The following TAMM41 variants were observed in gnomAD, a reference collection of about 807,000 sequenced individuals.
TAMM41 encodes the protein phosphatidate cytidylyltransferase, mitochondrial.
TAMM41 carries 36 observed loss-of-function variants against 44.1 expected under a neutral mutation model. The ratio of observed to expected loss-of-function variants is 0.82; its 90% CI spans 0.63 to 1.08. The LOEUF is 1.08. Ranked by LOEUF, TAMM41 falls within the 50% of genes least tolerant of loss-of-function variation. TAMM41 has a pLI of 0.00. For synonymous variants in TAMM41, 164 were observed against 153.1 expected, an observed-to-expected ratio of 1.07 and a Z score of -0.53; for missense variants, 417 against 404.3, an observed-to-expected ratio of 1.03 and a Z score of -0.27.
chr3:11,802,564 C>T (rs1203073533), intron 7 of TAMM41, among the ~76,000 whole-genome samples: 1 of 152,138 alleles, frequency 6.6e-6, no homozygotes, highest in Non-Finnish European at 1.5e-5. Flanking sequence ...ATAAAAATCT[C>T]CCAAGAACAA....
At chr3:11,789,480 T>C (rs576816337), downstream of TAMM41, among the ~76,000 whole-genome samples, 2 of 152,252 alleles carry the variant, frequency 1.3e-5, no homozygotes, top group African/African-American at 4.8e-5. Flanking sequence ...GAGGAGGTGG[T>C]TGCTTCCCAA....
At chr3:11,818,495 A>G (rs2078375022) in intron 4 of TAMM41, among the ~76,000 whole-genome samples, 1 of 152,216 alleles carries the variant, frequency 6.6e-6, no homozygotes, top group Non-Finnish European at 1.5e-5. Context: ...AAGACCAACA[A>G]TATGTACTTC....
At chr3:11,764,086 C>T in the TAMM41 span, among the ~76,000 whole-genome samples, 3 of 152,132 alleles carry the variant, frequency 2.0e-5, no homozygotes, top group Admixed American at 6.6e-5. Flanking sequence ...TCACTGAAGG[C>T]TCTACCTCCC....
rs1034813185 is a variant in TAMM41 at position 11,816,570 on chromosome 3, C to A, written c.708+622G>T. Among the ~76,000 whole-genome samples, 4 of 152,214 alleles carry A rather than the reference C, an allele frequency of 2.6e-5. No homozygotes were observed. The South Asian group carries it at 8.3e-4, about 32-fold the overall frequency. On this transcript the variant is annotated intron_variant, in intron 5 of 7. Transcript: ENST00000455809. ...CTTGAGCTCAAGAGTTTGAGACCAGCCTGTGCAACATGGCAAAACCCTGTC... is the reference window on the plus strand; with the variant it reads ...CTTGAGCTCAAGAGTTTGAGACCAGACTGTGCAACATGGCAAAACCCTGTC...
chr3:11,827,401 G>A (rs1165781488), intron 4 of TAMM41, among the ~76,000 whole-genome samples: 3 of 150,282 alleles, frequency 2.0e-5, no homozygotes, highest in East Asian at 2.0e-4. Flanking sequence ...CCTCCACCTC[G>A]CCGGTTCAAG....
At chr3:11,825,166 C>T (rs538254133) in intron 4 of TAMM41, among the ~76,000 whole-genome samples, 18 of 152,338 alleles carry the variant, frequency 1.2e-4, no homozygotes, top group Non-Finnish European at 2.2e-4. Context: ...AGCCACTTAA[C>T]TTATCTGGGC....
intron 7 of TAMM41, among the ~76,000 whole-genome samples, chr3:11,795,733 A>G (rs970255973): frequency 1.3e-5 from 2 of 152,154 alleles, no homozygotes; most frequent in Admixed American, 6.5e-5. Flanking sequence ...CCCACACCAG[A>G]GTACTCAGAC....
At chr3:11,809,946 A>G (rs2078037345) in intron 5 of TAMM41, 1 of 332,288 alleles carries the variant, frequency 3.0e-6, no homozygotes, top group Non-Finnish European at 5.3e-6. Flanking sequence ...TCAAGGATCA[A>G]TTTCTGACTT....
At chr3:11,756,861 G>A in the TAMM41 span, among the ~76,000 whole-genome samples, 3 of 94,432 alleles carry the variant, frequency 3.2e-5, no homozygotes, top group Admixed American at 1.1e-4. Flanking sequence ...GCGAAATTCC[G>A]TCTCAAAAAA....
the TAMM41 span, among the ~76,000 whole-genome samples, chr3:11,772,219 T>C: frequency 8.0e-4 from 121 of 150,418 alleles, no homozygotes; most frequent in East Asian, 1.6e-3. Context: ...TACAGGCGCC[T>C]GCCACCACAG....
chr3:11,743,474 T>C, the TAMM41 span, among the ~76,000 whole-genome samples: 2 of 151,932 alleles, frequency 1.3e-5, no homozygotes, highest in African/African-American at 4.8e-5. Context: ...GCTGGGATTA[T>C]AGGCACCCAC....
At chr3:11,793,950 AT>A (rs2077546060) in intron 7 of TAMM41, among the ~76,000 whole-genome samples, 1 of 152,156 alleles carries the variant, frequency 6.6e-6, no homozygotes, top group South Asian at 2.1e-4. Flanking sequence ...ATATGGAGAT[AT>A]TTCCTACTAC....
chr3:11,749,064 C>T, the TAMM41 span, among the ~76,000 whole-genome samples: 28 of 151,938 alleles, frequency 1.8e-4, no homozygotes, highest in African/African-American at 6.3e-4. Flanking sequence ...AGGCATGCAC[C>T]ACCACACCTG....
At chr3:11,746,160 G>C in the TAMM41 span, among the ~76,000 whole-genome samples, 1 of 152,144 alleles carries the variant, frequency 6.6e-6, no homozygotes, top group African/African-American at 2.4e-5. Context: ...AATTAGTCAG[G>C]AGTGGTGGTG....
downstream of TAMM41, chr3:11,790,379 C>A (rs1197342478): frequency 3.3e-6 from 3 of 897,906 alleles, no homozygotes; most frequent in South Asian, 1.4e-5. Context: ...ATTTAAAAAA[C>A]CAAGTATTAT....
chr3:11,824,742 CA>C (rs2078671928), intron 4 of TAMM41, among the ~76,000 whole-genome samples: 2 of 152,134 alleles, frequency 1.3e-5, no homozygotes, highest in African/African-American at 4.8e-5. Flanking sequence ...TGGAAGCATC[CA>C]AACAGAAGGA....
the TAMM41 span, among the ~76,000 whole-genome samples, chr3:11,723,614 T>C: frequency 4.6e-5 from 7 of 150,886 alleles, no homozygotes; most frequent in Non-Finnish European, 8.9e-5. Context: ...AAAAAAAAAC[T>C]TAAGTGATGG....
In TAMM41 at chr3:11,809,567, G is replaced by T. The variant is rs2078023662; in HGVS notation, c.824C>A (p.Thr275Asn). The T allele has an allele frequency of 1.2e-6, 2 of 1,613,908 alleles. No homozygotes were observed. The highest frequency in any genetic ancestry group is 2.2e-5 in the South Asian group (2 of 91,078). Residue 275 changes from threonine to asparagine, a missense_variant, in exon 6 of 8, where the codon ACT becomes AAT. Transcript: ENST00000455809. Reference protein sequence around the residue: ...PPGKNRDVEETLFQVAHDPDC... With the variant: ...PPGKNRDVEENLFQVAHDPDC... ...GGGATCATGAGCCACTTGGAATAAA[G>T]TTTCTTCCACATCTCTGTTTTTTCC...
chr3:11,768,804 AT>A, the TAMM41 span, among the ~76,000 whole-genome samples: 1 of 152,208 alleles, frequency 6.6e-6, no homozygotes, highest in Non-Finnish European at 1.5e-5. Context: ...ACACATAAAT[AT>A]GTCATTGCGG....
Sources: allele counts gnomAD v4.1 joint callset (sites outside exome capture counted in the v4.1 genomes callset), GRCh38; gene constraint gnomAD v4.1.1; transcripts MANE v1.5; gene names NCBI Gene and HGNC (gene_info 2026-07-23, HGNC 2026-07-21).